Variants in SETD5 observed in about 807,000 individuals in gnomAD.
SETD5 encodes SET domain containing 5, also known as histone-lysine N-methyltransferase SETD5.
Under a neutral mutation model 153.3 loss-of-function variants are expected in SETD5, and 44 were observed. The ratio of observed to expected loss-of-function variants is 0.29; its 90% CI spans 0.23 to 0.37. The LOEUF is 0.37. SETD5 is among the 10% of genes least tolerant of loss of function. The probability of loss-of-function intolerance (pLI) is 1.00; values close to 1 mark genes in which losing one functional copy is unlikely to be tolerated. For synonymous variants in SETD5, 716 were observed against 645.2 expected (o/e 1.11, Z -1.66); for missense variants, 1,544 against 1,768.0 (o/e 0.87, Z 2.27).
intron 2 of SETD5, among the ~76,000 whole-genome samples, chr3:9,427,049 TA>T (rs1559384705): frequency 2.0e-5 from 3 of 152,054 alleles, no homozygotes; most frequent in Admixed American, 2.0e-4. Flanking sequence ...GGCTGGCTGA[TA>T]TTTTTTTACT....
chr3:9,446,581 C>G (rs1223027906), intron 13 of SETD5, among the ~76,000 whole-genome samples: 1 of 151,932 alleles, frequency 6.6e-6, no homozygotes, highest in African/African-American at 2.4e-5. Flanking sequence ...CAATCTCTGC[C>G]TCCCGGGTTC....
intron 12 of SETD5, 74 bp downstream of exon 12, chr3:9,445,374 G>T (rs1247178505): frequency 4.7e-6 from 7 of 1,491,358 alleles, no homozygotes; most frequent in Non-Finnish European, 6.4e-6. Context: ...GTTGCCGCAT[G>T]GTTTAAGTAG....
chr3:9,474,381 A>C (rs1486271683), intron 20 of SETD5, 68 bp from the exon 21 acceptor site: 2 of 1,561,246 alleles, frequency 1.3e-6, no homozygotes, highest in African/African-American at 1.4e-5. Context: ...TACACTGTGC[A>C]CTGGTTAGGG....
intron 3 of SETD5, 70 bp from the exon 4 acceptor site, chr3:9,433,775 G>A (rs2040245968): frequency 1.4e-6 from 2 of 1,475,022 alleles, no homozygotes; most frequent in African/African-American, 2.8e-5. Context: ...GTTAGAATGG[G>A]AAATGAAGTG....
intron 1 of SETD5, among the ~76,000 whole-genome samples, chr3:9,419,939 C>G (rs1251013497): frequency 6.6e-6 from 1 of 152,132 alleles, no homozygotes; most frequent in African/African-American, 2.4e-5. Context: ...TTTTCCTACT[C>G]TACTTTGGTA....
At chr3:9,403,076 A>G (rs977299015) in intron 1 of SETD5, among the ~76,000 whole-genome samples, 17 of 152,108 alleles carry the variant, frequency 1.1e-4, no homozygotes, top group Admixed American at 5.2e-4. Flanking sequence ...GAGGGGCAGG[A>G]GGTAGGAAAG....
chr3:9,471,145 C>G (rs1448579440), intron 19 of SETD5, among the ~76,000 whole-genome samples: 1 of 152,124 alleles, frequency 6.6e-6, no homozygotes, highest in Non-Finnish European at 1.5e-5. Context: ...CATATACTTG[C>G]TAGGCAATTG....
At chr3:9,445,582 T>G in intron 12 of SETD5, 75 bp from the exon 13 acceptor site, 1 of 1,331,568 alleles carries the variant, frequency 7.5e-7, no homozygotes, top group Non-Finnish European at 1.1e-6. Flanking sequence ...ATAGAGAGTT[T>G]TAAGCTACCA....
chr3:9,427,291 A>G (rs924172243), intron 2 of SETD5, among the ~76,000 whole-genome samples: 7 of 152,324 alleles, frequency 4.6e-5, no homozygotes, highest in African/African-American at 9.6e-5. Flanking sequence ...GCTCACGCCT[A>G]TAGTCCTAGC....
intron 2 of SETD5, among the ~76,000 whole-genome samples, chr3:9,427,396 A>G (rs2125024688): frequency 6.6e-6 from 1 of 152,260 alleles, no homozygotes; most frequent in African/African-American, 2.4e-5. Flanking sequence ...CTAAAAGTAC[A>G]AAAATTAGCC....
At chr3:9,411,212 G>A (rs1214053377) in intron 1 of SETD5, among the ~76,000 whole-genome samples, 1 of 152,066 alleles carries the variant, frequency 6.6e-6, no homozygotes, top group Non-Finnish European at 1.5e-5. Context: ...TTGGGACACT[G>A]GTGCTACTTG....
intron 2 of SETD5, among the ~76,000 whole-genome samples, chr3:9,428,603 A>G (rs965466501): frequency 6.6e-6 from 1 of 152,236 alleles, no homozygotes; most frequent in Non-Finnish European, 1.5e-5. Flanking sequence ...AACTGAAAAG[A>G]AAAACAAAAG....
chr3:9,453,732 A>T lies in SETD5; in HGVS notation c.2347-7A>T. 1 of 1,576,996 alleles carries T rather than the reference A, an allele frequency of 6.3e-7. No homozygotes were observed. The highest frequency in any genetic ancestry group is 8.5e-7 in the Non-Finnish European group (1 of 1,169,722). The stretch of plus-strand genomic sequence containing the variant: ...ATTGATAATTCTCTGGTTCTTTTCA[A>T]TTATAGCGCTGGATAAAACAAGCCT... On this transcript the variant is annotated splice_region_variant and splice_polypyrimidine_tract_variant and intron_variant, in intron 16 of 22. Coordinates refer to ENST00000402198, the MANE Select transcript of SETD5 (RefSeq NM_001080517.3).
At chr3:9,466,337 A>T (rs1276612854) in intron 18 of SETD5, among the ~76,000 whole-genome samples, 1 of 151,970 alleles carries the variant, frequency 6.6e-6, no homozygotes, top group African/African-American at 2.4e-5. Context: ...TCACTTTGCA[A>T]AACAAGCGGG....
chr3:9,420,452 A>G (rs1445466447), intron 1 of SETD5, among the ~76,000 whole-genome samples: 1 of 152,126 alleles, frequency 6.6e-6, no homozygotes, highest in East Asian at 1.9e-4. Context: ...TAGATTTCTT[A>G]TAGACATCGG....
Position 9,445,679 on chromosome 3 carries a change from A to C in SETD5, c.1463A>C (p.Lys488Thr), listed in dbSNP as rs766203118. The C allele has an allele frequency of 1.5e-5, 24 of 1,613,620 alleles. No homozygotes were observed. The South Asian group carries it at 2.3e-4, about 16-fold the overall frequency. Residue 488 changes from lysine to threonine, a missense_variant, in exon 13 of 23, where the codon AAA becomes ACA. Lys to Thr is a moderately conservative substitution (Grantham distance 78). Transcript: ENST00000402198. ...DHEEVDNPEE[K>T]PEEEKEEVID... ...AAGGAAGTAGACAATCCAGAAGAAA[A>C]ACCAGAAGAAGAGAAAGAAGAGGTT...
chr3:9,476,247 A>G lies in SETD5; in HGVS notation c.*156A>G, dbSNP rs551047652. On this transcript the variant is annotated 3_prime_UTR_variant, in exon 23 of 23. Transcript: ENST00000402198. The stretch of plus-strand genomic sequence containing the variant: ...ACAAGAAACAAGACTTGTGGTCACA[A>G]TTGGCCTCTGGCCTTGGAGAAAGCT... The G allele has an allele frequency of 9.5e-6, 10 of 1,056,130 alleles. No individual in the cohort carries two copies. The highest frequency in any genetic ancestry group is 5.8e-5 in the Admixed American group (2 of 34,444). 65.4% of individuals were successfully genotyped at this position (1,056,130 alleles called of 1,614,324 possible).
At chr3:9,474,405 G>A in intron 20 of SETD5, 44 bp from the exon 21 acceptor site, 4 of 1,602,668 alleles carry the variant, frequency 2.5e-6, no homozygotes, top group Non-Finnish European at 3.4e-6. Context: ...CATTTGTTTT[G>A]GTTAAGTCCT....
chr3:9,473,605 C>A (rs2045562845), intron 20 of SETD5, 68 bp downstream of exon 20: 2 of 1,450,746 alleles, frequency 1.4e-6, no homozygotes, highest in South Asian at 1.3e-5. Context: ...AAGATCATTC[C>A]CAGTTTTACC....
Sources: allele counts gnomAD v4.1 joint callset (sites outside exome capture counted in the v4.1 genomes callset), GRCh38; gene constraint gnomAD v4.1.1; transcripts MANE v1.5; gene names NCBI Gene and HGNC (gene_info 2026-07-23, HGNC 2026-07-21).